KHDRBS2: variants seen among roughly 807,000 people sequenced by gnomAD.
The protein encoded by KHDRBS2 is KH domain-containing, RNA-binding, signal transduction-associated protein 2.
KHDRBS2 carries 26 observed loss-of-function variants against 44.3 expected under a neutral mutation model. That is an observed-to-expected ratio of 0.59 (90% CI 0.43 to 0.81). The LOEUF (loss-of-function observed/expected upper bound fraction) is 0.81. Among genes scored for constraint, KHDRBS2 ranks in the 40% least tolerant of loss-of-function variants. KHDRBS2 has a pLI of 0.00. For missense variants in KHDRBS2, 476 were observed against 433.1 expected, an observed-to-expected ratio of 1.10 and a Z score of -0.88; for synonymous variants, 194 against 151.1, an observed-to-expected ratio of 1.28 and a Z score of -2.08.
intron 6 of KHDRBS2, among the ~76,000 whole-genome samples, chr6:61,804,973 C>G (rs890935870): frequency 1.3e-5 from 2 of 152,154 alleles, no homozygotes; most frequent in African/African-American, 4.8e-5. Context: ...CTGAAGCTGC[C>G]TTAAATTTCT....
chr6:62,248,186 A>G (rs1032054850), intron 1 of KHDRBS2, among the ~76,000 whole-genome samples: 10 of 151,922 alleles, frequency 6.6e-5, no homozygotes, highest in African/African-American at 2.4e-4. Flanking sequence ...CAATACCTCT[A>G]TAATTCCAAA....
chr6:61,765,080 G>T (rs1779812839), intron 6 of KHDRBS2, among the ~76,000 whole-genome samples: 1 of 152,134 alleles, frequency 6.6e-6, no homozygotes, highest in South Asian at 2.1e-4. Context: ...GTCAACAGAA[G>T]GGTACAGAGA....
the KHDRBS2 span, among the ~76,000 whole-genome samples, chr6:61,607,777 T>C: frequency 1.7e-4 from 26 of 152,122 alleles, no homozygotes; most frequent in Non-Finnish European, 2.9e-4. Flanking sequence ...AACCTCCACC[T>C]CCTGGGCTCA....
At chr6:62,066,151 CTAT>C (rs1793666779) in intron 2 of KHDRBS2, among the ~76,000 whole-genome samples, 3 of 151,722 alleles carry the variant, frequency 2.0e-5, no homozygotes, top group Admixed American at 2.0e-4. Flanking sequence ...TAAGTGAAAA[CTAT>C]TATATTAACA....
At chr6:61,833,560 T>C (rs1288487063) in intron 6 of KHDRBS2, among the ~76,000 whole-genome samples, 1 of 152,148 alleles carries the variant, frequency 6.6e-6, no homozygotes, top group Non-Finnish European at 1.5e-5. Context: ...GGAAGACATT[T>C]GGTCGTGAGC....
chr6:61,592,297 G>A, the KHDRBS2 span, among the ~76,000 whole-genome samples: 37 of 151,804 alleles, frequency 2.4e-4, no homozygotes, highest in Admixed American at 6.6e-4. Flanking sequence ...TCAAAGAAAA[G>A]GCCAGATGGT....
chr6:62,137,938 T>C lies in KHDRBS2; in HGVS notation c.219+39247A>G, dbSNP rs577783193. On this transcript the variant is annotated intron_variant, in intron 2 of 8. Coordinates refer to ENST00000281156, the MANE Select transcript of KHDRBS2 (RefSeq NM_152688.4). ...ATTTAGCTGTGATCTTGATATCACA[T>C]CAAAATTTCACAATGTGCTGTCTTT... is the stretch of plus-strand genomic sequence containing the variant. Among the ~76,000 whole-genome samples, 6 of 152,326 alleles carry C rather than the reference T, an allele frequency of 3.9e-5. No individual in the cohort carries two copies. In the South Asian group the frequency reaches 1.0e-3, roughly 26 times the overall value.
At chr6:62,058,867 C>T (rs1434931975) in intron 2 of KHDRBS2, among the ~76,000 whole-genome samples, 2 of 151,570 alleles carry the variant, frequency 1.3e-5, no homozygotes, top group African/African-American at 4.8e-5. Flanking sequence ...ACCATTAAAG[C>T]TAATATCAAT....
At chr6:61,981,246 A>G (rs1224739234) in intron 3 of KHDRBS2, among the ~76,000 whole-genome samples, 1 of 152,168 alleles carries the variant, frequency 6.6e-6, no homozygotes, top group Non-Finnish European at 1.5e-5. Context: ...CTGATTCAAA[A>G]CTAGAGTTTG....
At chr6:61,622,297 C>A in the KHDRBS2 span, among the ~76,000 whole-genome samples, 11 of 152,288 alleles carry the variant, frequency 7.2e-5, no homozygotes, top group East Asian at 1.7e-3. Flanking sequence ...GCAACAGACA[C>A]CCCTTCAGGA....
At chr6:61,616,875 A>G in the KHDRBS2 span, among the ~76,000 whole-genome samples, 1 of 152,194 alleles carries the variant, frequency 6.6e-6, no homozygotes, top group Non-Finnish European at 1.5e-5. Context: ...AATATTCAAG[A>G]AAATCCTCAT....
intron 1 of KHDRBS2, among the ~76,000 whole-genome samples, chr6:62,238,175 C>G (rs1020414054): frequency 1.3e-5 from 2 of 152,028 alleles, no homozygotes; most frequent in African/African-American, 4.8e-5. Context: ...CCCACATGGT[C>G]TAGCATACAC....
At chr6:62,168,026 G>T (rs1360140280) in intron 2 of KHDRBS2, among the ~76,000 whole-genome samples, 1 of 152,186 alleles carries the variant, frequency 6.6e-6, no homozygotes, top group Non-Finnish European at 1.5e-5. Context: ...CCGAGGATGA[G>T]ACTTCTTCCA....
intron 6 of KHDRBS2, among the ~76,000 whole-genome samples, chr6:61,884,863 T>G (rs1353991924): frequency 6.6e-6 from 1 of 152,126 alleles, no homozygotes; most frequent in Non-Finnish European, 1.5e-5. Flanking sequence ...CATAGAGATG[T>G]GTATTTTCCT....
At position 62,214,909 on chromosome 6, in the gene KHDRBS2, G is replaced by A. The variant is rs187665522; in HGVS notation, c.92-37597C>T. Among the ~76,000 whole-genome samples, 6 of 151,972 alleles carry A rather than the reference G, an allele frequency of 3.9e-5. No homozygotes were observed. In the East Asian group the frequency reaches 9.6e-4, roughly 24 times the overall value. ...CTTCTATCAACAATTCCAACTGTAC[G>A]TTCTTCTTCATTTGACATTCACATT... On this transcript the variant is annotated intron_variant, in intron 1 of 8. Coordinates refer to ENST00000281156, the MANE Select transcript of KHDRBS2 (RefSeq NM_152688.4).
intron 7 of KHDRBS2, among the ~76,000 whole-genome samples, chr6:61,725,046 A>G (rs1383707975): frequency 1.3e-5 from 2 of 152,174 alleles, no homozygotes; most frequent in African/African-American, 4.8e-5. Flanking sequence ...TCTAAAATTG[A>G]GCACATAATC....
chr6:61,637,916 T>C, the KHDRBS2 span, among the ~76,000 whole-genome samples: 1 of 152,140 alleles, frequency 6.6e-6, no homozygotes, highest in Non-Finnish European at 1.5e-5. Context: ...TTGAGTTCAT[T>C]GTAGATTCTG....
At chr6:62,102,033 T>C (rs553634021) in intron 2 of KHDRBS2, among the ~76,000 whole-genome samples, 12 of 152,300 alleles carry the variant, frequency 7.9e-5, no homozygotes, top group African/African-American at 2.6e-4. Context: ...ACTAGTTATG[T>C]CATTGTTTCA....
chr6:62,152,637 A>G (rs1042426008), intron 2 of KHDRBS2, among the ~76,000 whole-genome samples: 2 of 152,212 alleles, frequency 1.3e-5, no homozygotes, highest in African/African-American at 2.4e-5. Flanking sequence ...GAGACTGACT[A>G]AAATATTATT....
Sources: allele counts gnomAD v4.1 joint callset (sites outside exome capture counted in the v4.1 genomes callset), GRCh38; gene constraint gnomAD v4.1.1; transcripts MANE v1.5; gene names NCBI Gene and HGNC (gene_info 2026-07-23, HGNC 2026-07-21).